Variants in C2orf66 observed in about 807,000 individuals in gnomAD.
C2orf66 encodes uncharacterized protein C2orf66.
C2orf66 carries 6 observed loss-of-function variants against 7.0 expected under a neutral mutation model. The ratio of observed to expected loss-of-function variants is 0.86; its 90% confidence interval spans 0.47 to 1.69. The LOEUF (loss-of-function observed/expected upper bound fraction) is 1.69, where lower values mean the gene tolerates loss of function less well. C2orf66 is among the 40% of genes most tolerant of loss of function. The pLI is 0.01. For synonymous variants in C2orf66, 38 were observed against 43.8 expected, an observed-to-expected ratio of 0.87 and a Z score of 0.52; for missense variants, 107 against 112.0, an observed-to-expected ratio of 0.96 and a Z score of 0.20.
At chr2:196,814,877 CATACT>C in the C2orf66 span, among the ~76,000 whole-genome samples, 3 of 152,178 alleles carry the variant, frequency 2.0e-5, no homozygotes, top group Non-Finnish European at 4.4e-5. Context: ...AGGTAACATA[CATACT>C]ATAGTCTTGT....
chr2:196,820,459 A>G, the C2orf66 span, among the ~76,000 whole-genome samples: 6 of 152,324 alleles, frequency 3.9e-5, no homozygotes, highest in Admixed American at 3.3e-4. Context: ...TCAAACTTTA[A>G]GGATGGCTTG....
At chr2:196,819,720 G>T in the C2orf66 span, among the ~76,000 whole-genome samples, 1 of 152,150 alleles carries the variant, frequency 6.6e-6, no homozygotes, top group Non-Finnish European at 1.5e-5. Context: ...CTGGCACAGT[G>T]TAGTTATATC....
At chr2:196,817,539 G>A in the C2orf66 span, among the ~76,000 whole-genome samples, 10 of 152,138 alleles carry the variant, frequency 6.6e-5, no homozygotes, top group African/African-American at 2.4e-4. Flanking sequence ...CTGGCCGCAC[G>A]TATTGTCTTG....
chr2:196,809,390 A>C, upstream of C2orf66: 1 of 1,608,810 alleles, frequency 6.2e-7, no homozygotes, highest in Non-Finnish European at 8.5e-7. Flanking sequence ...ATGATCATTG[A>C]GAGAGATAGT....
At chr2:196,830,495 A>G in the C2orf66 span, among the ~76,000 whole-genome samples, 1 of 152,146 alleles carries the variant, frequency 6.6e-6, no homozygotes, top group Non-Finnish European at 1.5e-5. Context: ...CCAGGTATAA[A>G]AGCTGGGTTC....
chr2:196,823,467 T>C, the C2orf66 span, among the ~76,000 whole-genome samples: 1 of 151,038 alleles, frequency 6.6e-6, no homozygotes, highest in Admixed American at 6.6e-5. Flanking sequence ...TGCAAAAAAA[T>C]AGAAAAATTA....
At chr2:196,807,790 C>G (rs1249303757) in intron 1 of C2orf66, among the ~76,000 whole-genome samples, 168 bp from the exon 2 acceptor site, 1 of 152,244 alleles carries the variant, frequency 6.6e-6, no homozygotes, top group African/African-American at 2.4e-5. Context: ...TTCTCCTCCC[C>G]TCCTCTGTAC....
chr2:196,813,817 A>G (rs552932945), upstream of C2orf66, among the ~76,000 whole-genome samples: 9 of 152,356 alleles, frequency 5.9e-5, no homozygotes, highest in African/African-American at 1.2e-4. Context: ...ACAAACACGA[A>G]AAAAAGCTCA....
the C2orf66 span, among the ~76,000 whole-genome samples, chr2:196,824,722 C>T: frequency 6.6e-6 from 1 of 152,128 alleles, no homozygotes; most frequent in African/African-American, 2.4e-5. Context: ...CAGGATAATA[C>T]AAGTATACAC....
chr2:196,823,680 T>C, the C2orf66 span, among the ~76,000 whole-genome samples: 1 of 145,298 alleles, frequency 6.9e-6, no homozygotes, highest in South Asian at 2.2e-4. Flanking sequence ...AAGAAATTAT[T>C]ATGTTAAATT....
At chr2:196,831,702 G>C in the C2orf66 span, among the ~76,000 whole-genome samples, 3 of 152,196 alleles carry the variant, frequency 2.0e-5, no homozygotes, top group East Asian at 5.8e-4. Flanking sequence ...CACACCTGGG[G>C]CAGTCACAAG....
chr2:196,831,932 C>CT, the C2orf66 span: 3 of 152,292 alleles, frequency 2.0e-5, no homozygotes, highest in East Asian at 5.8e-4. Context: ...TTATCGTGGC[C>CT]TTTTGGTGCA....
chr2:196,825,065 C>T, the C2orf66 span, among the ~76,000 whole-genome samples: 1 of 151,940 alleles, frequency 6.6e-6, no homozygotes, highest in South Asian at 2.1e-4. Context: ...GAAACCACAT[C>T]TCTACTAAAA....
rs1270551507 is a variant in C2orf66 at position 196,805,181 on chromosome 2, C to T, written c.*247G>A. 5 of 152,030 alleles carry T rather than the reference C, an allele frequency of 3.3e-5. No individual in the cohort carries two copies. The highest frequency in any genetic ancestry group is 1.9e-4 in the East Asian group (1 of 5,180). 9.4% of individuals were successfully genotyped at this position (152,030 alleles called of 1,614,324 possible). A position where few individuals can be genotyped will look rare whatever the true frequency, so the allele number is the denominator to read the frequency against. ...TTTTTGTAACTCCTACAAATACATG[C>T]GGTGCTCTACATCAATATTTATGGT... On this transcript the variant is annotated 3_prime_UTR_variant, in exon 3 of 3. Transcript: ENST00000342506.
upstream of C2orf66, among the ~76,000 whole-genome samples, chr2:196,810,795 G>A (rs1699867015): frequency 6.6e-6 from 1 of 152,118 alleles, no homozygotes. Flanking sequence ...CTTTTACAAA[G>A]TGCCTACTAT....
At chr2:196,828,974 G>A in the C2orf66 span, among the ~76,000 whole-genome samples, 1 of 152,168 alleles carries the variant, frequency 6.6e-6, no homozygotes, top group Non-Finnish European at 1.5e-5. Context: ...CTAGAATTCT[G>A]ACCTACGGAG....
the C2orf66 span, among the ~76,000 whole-genome samples, chr2:196,829,954 C>T: frequency 6.6e-6 from 1 of 152,074 alleles, no homozygotes. Context: ...CAAAACCATA[C>T]ACAACATTAG....
At chr2:196,817,736 C>T in the C2orf66 span, among the ~76,000 whole-genome samples, 1 of 152,042 alleles carries the variant, frequency 6.6e-6, no homozygotes, top group Admixed American at 6.5e-5. Flanking sequence ...TATAGACCTC[C>T]CCCCAGGAAT....
the C2orf66 span, among the ~76,000 whole-genome samples, chr2:196,815,804 C>A: frequency 1.3e-5 from 2 of 152,166 alleles, no homozygotes; most frequent in Non-Finnish European, 2.9e-5. Flanking sequence ...TCAAACCCTT[C>A]TTGTCTCTTT....
Sources: allele counts gnomAD v4.1 joint callset (sites outside exome capture counted in the v4.1 genomes callset), GRCh38; gene constraint gnomAD v4.1.1; transcripts MANE v1.5; gene names NCBI Gene and HGNC (gene_info 2026-07-23, HGNC 2026-07-21).